The following MROH7 variants were observed in gnomAD, a reference collection of about 807,000 sequenced individuals.
MROH7 encodes the protein maestro heat-like repeat-containing protein family member 7.
In MROH7, 113 loss-of-function variants were observed where a neutral mutation model predicts 129.2. The observed-to-expected ratio is 0.87, with a 90% CI of 0.75 to 1.02. MROH7 has a LOEUF of 1.02. Among genes scored for constraint, MROH7 ranks in the 50% least tolerant of loss-of-function variants. MROH7 has a pLI of 0.00. For missense variants in MROH7, 1,601 were observed against 1,671.3 expected, an observed-to-expected ratio of 0.96 and a Z score of 0.73; for synonymous variants, 655 against 667.9, an observed-to-expected ratio of 0.98 and a Z score of 0.30.
chr1:54,660,319 G>A (rs947467022), intron 3 of MROH7, among the ~76,000 whole-genome samples: 6 of 152,116 alleles, frequency 3.9e-5, no homozygotes, highest in African/African-American at 1.2e-4. Flanking sequence ...CATTCTAGAC[G>A]GTGGAGCCCT....
chr1:54,669,150 C>T (rs1301276356), intron 5 of MROH7, among the ~76,000 whole-genome samples: 1 of 152,180 alleles, frequency 6.6e-6, no homozygotes, highest in Non-Finnish European at 1.5e-5. Context: ...TCACTCTTCT[C>T]ATCTCACAGA....
In MROH7 at chr1:54,706,525, G is replaced by A. The variant is rs756008636; in HGVS notation, c.3655G>A (p.Val1219Ile). The change falls in exon 22 of 24, where the codon GTC becomes ATC. Residue 1219 changes from valine (V) to isoleucine (I), a missense_variant. By Grantham distance (29) the Val-to-Ile change is conservative (BLOSUM62 3). Coordinates refer to ENST00000421030, the MANE Select transcript of MROH7 (RefSeq NM_001039464.4). The part of the protein sequence containing the change: ...NSRASLRKCS[V>I]MFIGSLVPCM... ...ACGGGCCTCCCTCCGGAAGTGCTCA[G>A]TCATGTTCATAGGTAACCTGCCCTG... The A allele has an allele frequency of 1.3e-5, 21 of 1,612,918 alleles. No homozygotes were observed. Among genetic ancestry groups the A allele is most frequent in the Non-Finnish European group, 1.2e-5 (14 of 1,179,458 alleles).
intron 22 of MROH7, among the ~76,000 whole-genome samples, chr1:54,708,505 G>A (rs1474227485): frequency 6.6e-6 from 1 of 152,172 alleles, no homozygotes; most frequent in Non-Finnish European, 1.5e-5. Flanking sequence ...TACTGCAGGA[G>A]CCAGGCTCAC....
chr1:54,705,912 T>A (rs1226736126), intron 21 of MROH7, among the ~76,000 whole-genome samples: 2 of 152,176 alleles, frequency 1.3e-5, no homozygotes, highest in Non-Finnish European at 2.9e-5. Context: ...GTCTCCCACT[T>A]TCTACCTGTC....
At position 54,680,576 on chromosome 1, in the gene MROH7, G is replaced by C. The variant is rs1208415654; in HGVS notation, c.2381+531G>C. The stretch of plus-strand genomic sequence containing the variant: ...GTGCTGAGTGCCTGCTCAGGCCTGG[G>C]CCCGTGCGGAAGGGTGCTCCAAGCT... On this transcript the variant is annotated intron_variant, in intron 13 of 23. Coordinates refer to ENST00000421030, the MANE Select transcript of MROH7 (RefSeq NM_001039464.4). 5.9e-5 allele frequency among the ~76,000 whole-genome samples: 9 copies of C among 152,312 alleles called. No homozygotes were observed. In the East Asian group the frequency reaches 1.7e-3, roughly 29 times the overall value.
intron 3 of MROH7, among the ~76,000 whole-genome samples, chr1:54,658,934 G>A (rs1182487571): frequency 2.0e-5 from 3 of 152,176 alleles, no homozygotes; most frequent in Non-Finnish European, 4.4e-5. Flanking sequence ...ATTGCTGAAT[G>A]TTCCATGGGG....
Position 54,668,892 on chromosome 1 carries a change from G to C in MROH7, c.1344G>C (p.Leu448=). ...NVTTLQKSQD[L]LEAEGEKKTM... ...CCACCCTTCAGAAGAGCCAGGATCT[G>C]CTGGAGGCAGAAGGAGAAAAGAAGA... The change falls in exon 5 of 24, where the codon CTG becomes CTC. Residue 448 remains leucine, a synonymous_variant. Transcript: ENST00000421030. The C allele has an allele frequency of 6.2e-7, 1 of 1,614,000 alleles. No homozygotes were observed. Among genetic ancestry groups the C allele is most frequent in the Non-Finnish European group, 8.5e-7 (1 of 1,179,944 alleles).
At chr1:54,665,350 C>G in intron 4 of MROH7, 110 bp downstream of exon 4, 1 of 706,814 alleles carries the variant, frequency 1.4e-6, no homozygotes, top group South Asian at 1.8e-5. Context: ...CTGCCCAGCT[C>G]TCCTTTTCTC....
chr1:54,645,353 C>T (rs905802011), intron 1 of MROH7, among the ~76,000 whole-genome samples: 1 of 152,030 alleles, frequency 6.6e-6, no homozygotes, highest in Non-Finnish European at 1.5e-5. Context: ...AATCTTGGCT[C>T]ACTGCAACCT....
At chr1:54,657,768 A>C (rs752015968) in intron 3 of MROH7, among the ~76,000 whole-genome samples, 1 of 152,028 alleles carries the variant, frequency 6.6e-6, no homozygotes, top group Non-Finnish European at 1.5e-5. Flanking sequence ...GGTTCAAACA[A>C]TTCTCCTGCC....
At chr1:54,649,540 G>A (rs1203537487) in intron 1 of MROH7, among the ~76,000 whole-genome samples, 1 of 152,272 alleles carries the variant, frequency 6.6e-6, no homozygotes, top group Non-Finnish European at 1.5e-5. Context: ...GAGGAGGACT[G>A]GGGGTAGGTC....
At chr1:54,670,667 A>ACCCCCCCC in intron 6 of MROH7, 91 bp downstream of exon 6, 1 of 960,092 alleles carries the variant, frequency 1.0e-6, no homozygotes, top group Non-Finnish European at 1.5e-6. Context: ...CCCTCCCCCA[A>ACCCCCCCC]CCCGCCCCCA....
intron 10 of MROH7, 27 bp from the exon 11 acceptor site, chr1:54,678,715 C>T (rs776982945): frequency 7.2e-6 from 11 of 1,525,940 alleles, no homozygotes; most frequent in Non-Finnish European, 1.0e-5. Flanking sequence ...GAGATCCGGC[C>T]TCACTGAGAA....
chr1:54,670,303 T>C (rs1303315242), intron 5 of MROH7, among the ~76,000 whole-genome samples, 194 bp from the exon 6 acceptor site: 6 of 152,126 alleles, frequency 3.9e-5, no homozygotes, highest in Non-Finnish European at 8.8e-5. Context: ...ACTCTGCCTC[T>C]ACAAAAAATA....
At chr1:54,669,406 T>C (rs1317755959) in intron 5 of MROH7, among the ~76,000 whole-genome samples, 1 of 152,244 alleles carries the variant, frequency 6.6e-6, no homozygotes, top group Non-Finnish European at 1.5e-5. Context: ...ATTATATCTG[T>C]GTTTGTGTAC....
At position 54,653,929 on chromosome 1, in the gene MROH7, G is replaced by A. The variant is rs1644600105; in HGVS notation, c.1003G>A (p.Glu335Lys). The stretch of plus-strand genomic sequence containing the variant: ...CATGACTCTAATCCTGGGTTCCAAT[G>A]AGACTCTGAGCCTGGACTCCAGCCT... ...SCMTLILGSN[E>K]TLSLDSSLLF... The change falls in exon 3 of 24, where the codon GAG (glutamate) becomes AAG (lysine). Residue 335 changes from glutamate to lysine, a missense_variant. Coordinates refer to ENST00000421030, the MANE Select transcript of MROH7 (RefSeq NM_001039464.4). 2 of 1,614,136 alleles carry A rather than the reference G, an allele frequency of 1.2e-6. No homozygotes were observed. Among genetic ancestry groups the A allele is most frequent in the Admixed American group, 1.7e-5 (1 of 60,020 alleles).
At chr1:54,645,515 A>C (rs1702018) in intron 1 of MROH7, among the ~76,000 whole-genome samples, 44,053 of 151,872 alleles carry the variant, frequency 0.29, 6,505 homozygotes, top group South Asian at 0.43. Context: ...TTCTGACCTC[A>C]AGTGATCTGC....
intron 16 of MROH7, among the ~76,000 whole-genome samples, chr1:54,694,572 T>G (rs1645291043): frequency 6.6e-6 from 1 of 152,208 alleles, no homozygotes; most frequent in Admixed American, 6.5e-5. Context: ...GTTTAAGTGA[T>G]TCTCCTGCCT....
Position 54,686,229 on chromosome 1 carries a change from A to G in MROH7, c.2521-29A>G, listed in dbSNP as rs778918103. 36 of 1,585,534 alleles carry G rather than the reference A, an allele frequency of 2.3e-5. No homozygotes were observed. In the Admixed American group the frequency reaches 5.0e-4, roughly 22 times the overall value. Reference sequence around the variant, plus strand: ...GAGTGCTGGGAAGATGGGCCACGACATCCCAGCAGCCTCCCCTCTGCCCCA... The same window carrying G: ...GAGTGCTGGGAAGATGGGCCACGACGTCCCAGCAGCCTCCCCTCTGCCCCA... On this transcript the variant is annotated intron_variant, in intron 14 of 23. Coordinates refer to ENST00000421030, the MANE Select transcript of MROH7 (RefSeq NM_001039464.4).
Sources: gnomAD v4.1 joint callset for allele counts (sites outside exome capture counted in the v4.1 genomes callset) on GRCh38, gnomAD v4.1.1 for gene constraint, MANE v1.5 for transcripts, NCBI Gene and HGNC (gene_info 2026-07-23, HGNC 2026-07-21) for gene names.